The following DOCK8 variants were observed in gnomAD, a reference collection of about 807,000 sequenced individuals.
The protein encoded by DOCK8 is dedicator of cytokinesis 8.
A neutral mutation model predicts 245.6 loss-of-function variants in DOCK8; 141 were observed. The ratio of observed to expected loss-of-function variants is 0.57; its 90% CI spans 0.50 to 0.66. The LOEUF (loss-of-function observed/expected upper bound fraction) is 0.66. Among genes scored for constraint, DOCK8 ranks in the 30% least tolerant of loss-of-function variants. The pLI is 0.00. For missense variants in DOCK8, 2,965 were observed against 2,603.4 expected (o/e 1.14, Z -3.02); for synonymous variants, 1,168 against 970.2 (o/e 1.20, Z -3.79).
At chr9:434,256 ATAAT>A (rs2056818354) in intron 38 of DOCK8, among the ~76,000 whole-genome samples, 1 of 152,224 alleles carries the variant, frequency 6.6e-6, no homozygotes, top group African/African-American at 2.4e-5. Flanking sequence ...CAGAGAAAGA[ATAAT>A]TAACTGTTAT....
intron 11 of DOCK8, among the ~76,000 whole-genome samples, chr9:335,408 T>C (rs571948171): frequency 6.6e-6 from 1 of 152,322 alleles, no homozygotes. Context: ...TTCCTTAAGC[T>C]AAGGCTTAAG....
At chr9:273,952 C>T (rs991957772) in intron 2 of DOCK8, among the ~76,000 whole-genome samples, 3 of 152,124 alleles carry the variant, frequency 2.0e-5, no homozygotes, top group African/African-American at 7.2e-5. Flanking sequence ...GTGATCCGCC[C>T]GCCTAGGCCT....
intron 8 of DOCK8, among the ~76,000 whole-genome samples, chr9:327,385 C>T (rs1479004635): frequency 6.6e-6 from 1 of 150,380 alleles, no homozygotes; most frequent in African/African-American, 2.5e-5. Context: ...TTTACCTTTT[C>T]CCTCACCTTT....
At chr9:227,407 G>A (rs1034532094) in intron 1 of DOCK8, among the ~76,000 whole-genome samples, 1 of 152,144 alleles carries the variant, frequency 6.6e-6, no homozygotes, top group East Asian at 1.9e-4. Flanking sequence ...TGAAGGTGAT[G>A]TGGTCACTTG....
intron 1 of DOCK8, among the ~76,000 whole-genome samples, chr9:248,206 A>G (rs1430373188): frequency 6.6e-6 from 1 of 152,188 alleles, no homozygotes; most frequent in Non-Finnish European, 1.5e-5. Flanking sequence ...CCCCTCAAGC[A>G]CCAGGGCTCA....
At chr9:398,945 A>C (rs1353796335) in intron 25 of DOCK8, among the ~76,000 whole-genome samples, 1 of 152,238 alleles carries the variant, frequency 6.6e-6, no homozygotes, top group Admixed American at 6.5e-5. Context: ...CCTAAATATT[A>C]ACAGTGCACG....
Position 231,719 on chromosome 9 carries a change from G to C in DOCK8, c.53+16690G>C, listed in dbSNP as rs1025004801. Among the ~76,000 whole-genome samples, 4 of 152,230 alleles carry C rather than the reference G, an allele frequency of 2.6e-5. No individual in the cohort carries two copies. The East Asian group carries it at 5.8e-4, about 22-fold the overall frequency. The stretch of plus-strand genomic sequence containing the variant: ...CTGTTTGTCTGTTATTGGTGTATAA[G>C]AATGCTTATTATTTTTATACATTGA... On this transcript the variant is annotated intron_variant, in intron 1 of 47. Transcript: ENST00000432829.
At chr9:286,255 T>G (rs1258161546) in intron 2 of DOCK8, among the ~76,000 whole-genome samples, 1 of 152,226 alleles carries the variant, frequency 6.6e-6, no homozygotes, top group Non-Finnish European at 1.5e-5. Context: ...TTACTCATCA[T>G]GTTATGACTT....
intron 28 of DOCK8, among the ~76,000 whole-genome samples, chr9:414,563 G>C (rs539282377): frequency 6.6e-6 from 1 of 151,884 alleles, no homozygotes; most frequent in South Asian, 2.1e-4. Flanking sequence ...CAGGCAGTCT[G>C]TTTCTGGATT....
At chr9:281,247 CA>C (rs35178052) in intron 2 of DOCK8, among the ~76,000 whole-genome samples, 32,661 of 142,244 alleles carry the variant, frequency 0.23, 3,810 homozygotes, top group African/African-American at 0.32. Context: ...GACTCTGTCT[CA>C]AAAAAAAAAA....
At chr9:414,132 A>G (rs2055881086) in intron 28 of DOCK8, among the ~76,000 whole-genome samples, 1 of 54,624 alleles carries the variant, frequency 1.8e-5, no homozygotes. Context: ...ACTCCATGTC[A>G]AAAAAAAAAA....
chr9:436,187 T>TC (rs1408602192), intron 39 of DOCK8, among the ~76,000 whole-genome samples: 1 of 152,214 alleles, frequency 6.6e-6, no homozygotes, highest in Non-Finnish European at 1.5e-5. Flanking sequence ...ACTCCTCCTT[T>TC]CTTATGGTCC....
intron 23 of DOCK8, among the ~76,000 whole-genome samples, chr9:389,412 T>G (rs1202701539): frequency 6.6e-6 from 1 of 152,068 alleles, no homozygotes; most frequent in African/African-American, 2.4e-5. Context: ...GACATAGACA[T>G]TTAGATGTTG....
intron 44 of DOCK8, among the ~76,000 whole-genome samples, chr9:449,445 A>C (rs1324410992): frequency 1.3e-5 from 2 of 152,208 alleles, no homozygotes; most frequent in Non-Finnish European, 2.9e-5. Flanking sequence ...CTTTGAAGAT[A>C]GACATACTTG....
In DOCK8 at chr9:452,060, C is replaced by G; in HGVS notation, c.6011C>G (p.Pro2004Arg). The G allele has an allele frequency of 1.2e-6, 2 of 1,600,940 alleles. No individual in the cohort carries two copies. Among genetic ancestry groups the G allele is most frequent in the Non-Finnish European group, 1.7e-6 (2 of 1,174,344 alleles). The change falls in exon 46 of 48, where the codon CCA becomes CGA. Residue 2004 changes from proline to arginine, a missense_variant. Coordinates refer to ENST00000432829, the MANE Select transcript of DOCK8 (RefSeq NM_203447.4). ...QVFLAEIPAD[P>R]KLYRHHNKLR... ...TTTTTGGCTGAAATTCCTGCTGATCCAAAACTCTATCGACATCACAACAAG... is the reference window on the plus strand; with the variant it reads ...TTTTTGGCTGAAATTCCTGCTGATCGAAAACTCTATCGACATCACAACAAG...
intron 4 of DOCK8, among the ~76,000 whole-genome samples, chr9:299,817 C>G (rs1483691357): frequency 4.0e-5 from 6 of 151,608 alleles, no homozygotes; most frequent in African/African-American, 7.3e-5. Flanking sequence ...GTCAGGAGAT[C>G]GAGACCATCC....
intron 2 of DOCK8, among the ~76,000 whole-genome samples, chr9:283,697 A>G (rs2048692649): frequency 6.6e-6 from 1 of 152,216 alleles, no homozygotes; most frequent in African/African-American, 2.4e-5. Flanking sequence ...CTCCAGTTCC[A>G]TCCACGTTGC....
intron 26 of DOCK8, among the ~76,000 whole-genome samples, chr9:399,849 A>C (rs577694813): frequency 6.6e-6 from 1 of 152,018 alleles, no homozygotes; most frequent in South Asian, 2.1e-4. Context: ...TATAAATAGC[A>C]GTTATTGTTG....
intron 22 of DOCK8, among the ~76,000 whole-genome samples, chr9:385,798 G>A (rs2053926642): frequency 6.6e-6 from 1 of 152,142 alleles, no homozygotes; most frequent in South Asian, 2.1e-4. Context: ...ATTACTGACA[G>A]CCTTGATCTT....
Sources: gnomAD v4.1 joint callset for allele counts (sites outside exome capture counted in the v4.1 genomes callset) on GRCh38, gnomAD v4.1.1 for gene constraint, MANE v1.5 for transcripts, NCBI Gene and HGNC (gene_info 2026-07-23, HGNC 2026-07-21) for gene names.